The following BCO1 variants were observed in gnomAD, a reference collection of about 807,000 sequenced individuals.
BCO1 encodes the protein beta-carotene oxygenase 1, also known as beta,beta-carotene 15,15'-dioxygenase.
In BCO1, 54 loss-of-function variants were observed where a neutral mutation model predicts 56.3. That is an observed-to-expected ratio of 0.96 (90% confidence interval 0.77 to 1.20). BCO1 has a LOEUF of 1.20. BCO1 is among the 50% of genes most tolerant of loss of function. BCO1 has a pLI of 0.00. For missense variants in BCO1, 801 were observed against 690.9 expected, an observed-to-expected ratio of 1.16 and a Z score of -1.79; for synonymous variants, 318 against 266.1, an observed-to-expected ratio of 1.20 and a Z score of -1.90.
intron 1 of BCO1, among the ~76,000 whole-genome samples, 194 bp downstream of exon 1, chr16:81,239,166 A>G (rs1383722588): frequency 6.6e-6 from 1 of 151,602 alleles, no homozygotes; most frequent in East Asian, 1.9e-4. Context: ...ACAGGCACCC[A>G]CCACCAAGCC....
chr16:81,266,533 G>A (rs1036655772), intron 5 of BCO1, among the ~76,000 whole-genome samples: 9 of 152,140 alleles, frequency 5.9e-5, no homozygotes, highest in African/African-American at 2.2e-4. Flanking sequence ...GAGCCTTCGA[G>A]GTCAGAAGGT....
In BCO1 at chr16:81,242,192, C is replaced by CTTT. The variant is rs796252592; in HGVS notation, c.64+3243_64+3245dup. On this transcript the variant is annotated intron_variant, in intron 1 of 10. Transcript: ENST00000258168. ...TGCCCAAGGCAAGAGACTTGGCTGT[C>CTTT]TTTTTTTTTTTTTTTTTTTTTTTTT... 3.7e-3 allele frequency among the ~76,000 whole-genome samples: 290 copies of CTTT among 78,690 alleles called. 1 individual carries two copies. The highest frequency in any genetic ancestry group is 3.7e-3 in the African/African-American group (71 of 18,978). The allele number at this position is 78,690 out of a possible 152,430, so 51.6% of individuals were successfully genotyped here.
chr16:81,289,970 T>C (rs1908373045), intron 10 of BCO1, among the ~76,000 whole-genome samples: 1 of 152,176 alleles, frequency 6.6e-6, no homozygotes, highest in African/African-American at 2.4e-5. Flanking sequence ...TTCAAGTAAT[T>C]CTCTGGCTTC....
chr16:81,267,042 G>A (rs1455054356), intron 5 of BCO1, among the ~76,000 whole-genome samples: 1 of 152,296 alleles, frequency 6.6e-6, no homozygotes, highest in East Asian at 1.9e-4. Flanking sequence ...ACTCATGCTT[G>A]CAGAGGAATA....
intron 1 of BCO1, among the ~76,000 whole-genome samples, chr16:81,242,197 T>C (rs1051608444): frequency 1.2e-4 from 17 of 140,590 alleles, no homozygotes; most frequent in African/African-American, 4.7e-4. Context: ...GCTGTCTTTT[T>C]TTTTTTTTTT....
chr16:81,245,225 G>A (rs1464844255), intron 1 of BCO1, among the ~76,000 whole-genome samples: 1 of 152,172 alleles, frequency 6.6e-6, no homozygotes, highest in Non-Finnish European at 1.5e-5. Context: ...TTGGGTGTCT[G>A]TTTATTCATC....
At chr16:81,272,209 G>T (rs1398791129) in intron 7 of BCO1, among the ~76,000 whole-genome samples, 2 of 150,360 alleles carry the variant, frequency 1.3e-5, no homozygotes, top group Non-Finnish European at 1.5e-5. Context: ...CGCCTCCCAG[G>T]TTCAAGCCAT....
intron 9 of BCO1, 31 bp downstream of exon 9, chr16:81,285,665 C>G (rs1447615778): frequency 6.8e-7 from 1 of 1,467,482 alleles, no homozygotes; most frequent in East Asian, 2.3e-5. Context: ...ACAAGCCTTT[C>G]CTACAGTGAT....
intron 5 of BCO1, among the ~76,000 whole-genome samples, chr16:81,267,257 C>G (rs12929536): frequency 1.8e-3 from 278 of 152,250 alleles, no homozygotes; most frequent in African/African-American, 6.5e-3. Flanking sequence ...CACTAAGCCT[C>G]AGTTTCCCAT....
intron 5 of BCO1, among the ~76,000 whole-genome samples, chr16:81,266,813 C>T (rs1382099571): frequency 6.6e-6 from 1 of 152,190 alleles, no homozygotes; most frequent in Non-Finnish European, 1.5e-5. Flanking sequence ...CATGCCCCAT[C>T]CTGCTCCTCC....
intron 2 of BCO1, among the ~76,000 whole-genome samples, chr16:81,248,547 G>A (rs1044437561): frequency 6.6e-6 from 1 of 152,154 alleles, no homozygotes; most frequent in Admixed American, 6.5e-5. Context: ...AAAAGCGCGA[G>A]CTCTGAGTCT....
chr16:81,269,207 C>G (rs763826402), intron 6 of BCO1, among the ~76,000 whole-genome samples: 2 of 151,848 alleles, frequency 1.3e-5, no homozygotes, highest in African/African-American at 2.4e-5. Flanking sequence ...CCCCTCCTGC[C>G]TCCCATCCAC....
intron 2 of BCO1, among the ~76,000 whole-genome samples, chr16:81,246,536 C>G (rs1190132946): frequency 6.6e-6 from 1 of 151,996 alleles, no homozygotes; most frequent in Non-Finnish European, 1.5e-5. Flanking sequence ...TCAGACATGC[C>G]TAAAGTTGAA....
chr16:81,272,308 C>T (rs1452320325), intron 7 of BCO1, among the ~76,000 whole-genome samples: 5 of 151,450 alleles, frequency 3.3e-5, no homozygotes, highest in African/African-American at 4.9e-5. Context: ...TTAGTAGAGA[C>T]AGGGTTTCAC....
At chr16:81,242,855 G>C (rs1196725066) in intron 1 of BCO1, among the ~76,000 whole-genome samples, 3 of 152,066 alleles carry the variant, frequency 2.0e-5, no homozygotes, top group Non-Finnish European at 4.4e-5. Flanking sequence ...ATTCTCATAT[G>C]AGTGCAAACC....
chr16:81,276,030 G>A (rs1907537237), intron 7 of BCO1, among the ~76,000 whole-genome samples: 1 of 152,248 alleles, frequency 6.6e-6, no homozygotes, highest in East Asian at 1.9e-4. Context: ...CGCCTAAGGG[G>A]CATTCACAGG....
chr16:81,240,932 T>G (rs1290080209), intron 1 of BCO1, among the ~76,000 whole-genome samples: 2 of 150,234 alleles, frequency 1.3e-5, no homozygotes, highest in Non-Finnish European at 3.0e-5. Flanking sequence ...CCTCCTGGGT[T>G]CAAGCGATTC....
intron 9 of BCO1, 94 bp downstream of exon 9, chr16:81,285,728 G>C: frequency 1.0e-6 from 1 of 971,332 alleles, no homozygotes; most frequent in Non-Finnish European, 1.7e-6. Context: ...GATTAGAAAA[G>C]AGGAGGTCAG....
chr16:81,271,305 G>T (rs1488075322), intron 7 of BCO1, among the ~76,000 whole-genome samples: 3 of 151,610 alleles, frequency 2.0e-5, no homozygotes, highest in Non-Finnish European at 4.4e-5. Flanking sequence ...AGAAAAGACG[G>T]GGTTTCACCA....
Sources: allele counts gnomAD v4.1 joint callset (sites outside exome capture counted in the v4.1 genomes callset), GRCh38; gene constraint gnomAD v4.1.1; transcripts MANE v1.5; gene names NCBI Gene and HGNC (gene_info 2026-07-23, HGNC 2026-07-21).